The following SMARCA1 variants were observed in gnomAD, a reference collection of about 807,000 sequenced individuals.
The protein encoded by SMARCA1 is SNF2 related chromatin remodeling ATPase 1, also known as SWI/SNF-related matrix-associated actin-dependent regulator of chromatin subfamily A member 1.
In SMARCA1, 17 loss-of-function variants were observed where a neutral mutation model predicts 93.6. The ratio of observed to expected loss-of-function variants is 0.18; its 90% CI spans 0.12 to 0.27. The LOEUF is 0.27. Among genes scored for constraint, SMARCA1 ranks in the 10% least tolerant of loss-of-function variants. The probability of loss-of-function intolerance (pLI) is 1.00; values close to 1 mark genes in which losing one functional copy is unlikely to be tolerated. For synonymous variants in SMARCA1, 271 were observed against 271.4 expected (o/e 1.00, Z 0.01); for missense variants, 630 against 819.0 (o/e 0.77, Z 2.82).
chrX:129,451,106 T>C (rs759586192), intron 23 of SMARCA1, among the ~76,000 whole-genome samples: 102 of 112,215 alleles, frequency 9.1e-4, no homozygotes, highest in African/African-American at 2.9e-3. Context: ...TTCTTGTGTA[T>C]CTTCAATCAC....
At chrX:129,470,759 C>T (rs754694600) in intron 20 of SMARCA1, among the ~76,000 whole-genome samples, 36 of 110,949 alleles carry the variant, frequency 3.2e-4, no homozygotes, top group Non-Finnish European at 5.5e-4. Context: ...ATCCCAGCTA[C>T]TCGGGAGGCT....
Position 129,485,679 on chromosome X carries a change from T to C in SMARCA1, c.2217+1339A>G, listed in dbSNP as rs756455660. 2.7e-5 allele frequency among the ~76,000 whole-genome samples: 3 copies of C among 111,556 alleles called. No individual in the cohort carries two copies. The East Asian group carries it at 8.5e-4, about 32-fold the overall frequency. On this transcript the variant is annotated intron_variant, in intron 17 of 24. Transcript: ENST00000371121. ...GGAGGTGGGGCCCAATAGGAAGTGT[T>C]TGGGTCATAGGGGCAGATCTCTCAT... is the stretch of plus-strand genomic sequence containing the variant.
At chrX:129,477,285 C>T (rs910232360) in intron 19 of SMARCA1, among the ~76,000 whole-genome samples, 9 of 111,477 alleles carry the variant, frequency 8.1e-5, no homozygotes, top group Non-Finnish European at 1.3e-4. Context: ...CTGGGCGTGG[C>T]GGCTCACACC....
chrX:129,484,358 C>T (rs972373714), intron 17 of SMARCA1, among the ~76,000 whole-genome samples: 2 of 111,499 alleles, frequency 1.8e-5, no homozygotes, highest in African/African-American at 6.5e-5. Context: ...TAGGCCATCA[C>T]CTCCATCTCA....
At chrX:129,481,534 G>A (rs1365440876) in intron 17 of SMARCA1, among the ~76,000 whole-genome samples, 2 of 111,712 alleles carry the variant, frequency 1.8e-5, no homozygotes, top group African/African-American at 6.5e-5. Context: ...ACTGTAATAC[G>A]TGCATGAATT....
intron 23 of SMARCA1, among the ~76,000 whole-genome samples, chrX:129,449,350 A>T (rs1250250727): frequency 8.9e-6 from 1 of 111,940 alleles, no homozygotes; most frequent in African/African-American, 3.2e-5. Flanking sequence ...GGCGTACAGG[A>T]TGCAGCAGTT....
At chrX:129,491,496 A>C (rs1166650151) in intron 14 of SMARCA1, among the ~76,000 whole-genome samples, 1 of 111,774 alleles carries the variant, frequency 8.9e-6, no homozygotes, top group Non-Finnish European at 1.9e-5. Flanking sequence ...TTCCTTTCTT[A>C]CCTTTTTGCC....
intron 6 of SMARCA1, among the ~76,000 whole-genome samples, chrX:129,508,857 G>A (rs1450192108): frequency 8.9e-6 from 1 of 112,164 alleles, no homozygotes; most frequent in East Asian, 2.8e-4. Context: ...AAGTTAATGG[G>A]AAGCAGCAAA....
chrX:129,462,905 G>A (rs1932830548), intron 23 of SMARCA1, among the ~76,000 whole-genome samples: 1 of 108,526 alleles, frequency 9.2e-6, no homozygotes, highest in Non-Finnish European at 1.9e-5. Flanking sequence ...TTACAAGGGA[G>A]TTCAGAGACA....
At chrX:129,508,423 A>G (rs1365800572) in intron 6 of SMARCA1, among the ~76,000 whole-genome samples, 1 of 112,652 alleles carries the variant, frequency 8.9e-6, no homozygotes. Flanking sequence ...TGGGGCATCC[A>G]AAAGAACATA....
intron 12 of SMARCA1, among the ~76,000 whole-genome samples, chrX:129,494,244 T>A (rs190649815): frequency 3.0e-4 from 34 of 111,681 alleles, no homozygotes; most frequent in African/African-American, 9.4e-4. Flanking sequence ...ATTCTCTTTG[T>A]CCTAGGAAGA....
chrX:129,523,472 G>A lies in SMARCA1; in HGVS notation c.-102C>T, dbSNP rs1383828285. 1 of 645,903 alleles carries A rather than the reference G, an allele frequency of 1.5e-6. No individual in the cohort carries two copies. Among genetic ancestry groups the A allele is most frequent in the Non-Finnish European group, 2.2e-6 (1 of 444,993 alleles). 53.2% of individuals were successfully genotyped at this position (645,903 alleles called of 1,213,427 possible). On this transcript the variant is annotated 5_prime_UTR_variant, in exon 1 of 25. Transcript: ENST00000371121. ...AAGAGCTAGATGGAGCAGGGGTGGG[G>A]AATCACTCCGCTTCCAACCCCTTCG...
chrX:129,487,267 G>T, intron 16 of SMARCA1, 130 bp from the exon 17 acceptor site: 1 of 428,385 alleles, frequency 2.3e-6, no homozygotes. Context: ...AGGTATGAAT[G>T]CAATGCTAAC....
chrX:129,447,380 T>C (rs1242117798), intron 24 of SMARCA1, 147 bp from the exon 25 acceptor site: 5 of 542,672 alleles, frequency 9.2e-6, no homozygotes, highest in Non-Finnish European at 1.4e-5. Flanking sequence ...ATGTTCTATA[T>C]AGCCCAACAA....
chrX:129,499,562 G>C (rs2124299388), intron 10 of SMARCA1, among the ~76,000 whole-genome samples, 170 bp downstream of exon 10: 1 of 111,351 alleles, frequency 9.0e-6, no homozygotes, highest in South Asian at 3.8e-4. Context: ...CTTTTCAAAG[G>C]GTTAAATAAA....
Position 129,481,147 on chromosome X carries a change from T to C in SMARCA1, c.2256A>G (p.Glu752=), listed in dbSNP as rs1200587217. The change falls in exon 18 of 25, where the codon GAA becomes GAG. Residue 752 remains glutamate (E), a synonymous_variant. Transcript: ENST00000371121. ...MVEWIEPPKR[E]RKANYAVDAY... Reference sequence around the variant, plus strand: ...CATCCACTGCGTAGTTTGCTTTGCGTTCTCGTTTAGGAGGTTCAATCCATT... The same window carrying C: ...CATCCACTGCGTAGTTTGCTTTGCGCTCTCGTTTAGGAGGTTCAATCCATT... The C allele has an allele frequency of 7.5e-6, 9 of 1,205,641 alleles. No individual in the cohort carries two copies. The African/African-American group carries it at 1.1e-4, about 14-fold the overall frequency.
At chrX:129,453,708 A>G (rs1331176112) in intron 23 of SMARCA1, among the ~76,000 whole-genome samples, 1 of 111,562 alleles carries the variant, frequency 9.0e-6, no homozygotes, top group Non-Finnish European at 1.9e-5. Context: ...CCAGGAGAAT[A>G]AAACACCTAG....
chrX:129,506,681 C>T (rs1463101518), intron 7 of SMARCA1, among the ~76,000 whole-genome samples: 2 of 84,597 alleles, frequency 2.4e-5, no homozygotes, highest in Non-Finnish European at 4.5e-5. Context: ...CGGAGTGAAA[C>T]TCCGTCTCAA....
chrX:129,503,586 G>C (rs1934646636), intron 9 of SMARCA1, among the ~76,000 whole-genome samples: 1 of 111,512 alleles, frequency 9.0e-6, no homozygotes, highest in African/African-American at 3.3e-5. Flanking sequence ...GGGGATTAGA[G>C]GTCTCTGTGA....
Sources: gnomAD v4.1 joint callset for allele counts (sites outside exome capture counted in the v4.1 genomes callset) on GRCh38, gnomAD v4.1.1 for gene constraint, MANE v1.5 for transcripts, NCBI Gene and HGNC (gene_info 2026-07-23, HGNC 2026-07-21) for gene names.